The following SHC1 variants were observed in gnomAD, a reference collection of about 807,000 sequenced individuals.
SHC1 encodes SHC-transforming protein 1.
A neutral mutation model predicts 55.9 loss-of-function variants in SHC1; 30 were observed. The observed-to-expected ratio is 0.54, with a 90% CI of 0.40 to 0.73. The LOEUF is 0.73. Among genes scored for constraint, SHC1 ranks in the 30% least tolerant of loss-of-function variants. The probability of loss-of-function intolerance (pLI) is 0.00; values close to 1 mark genes in which losing one functional copy is unlikely to be tolerated. For missense variants in SHC1, 675 were observed against 777.1 expected (o/e 0.87, Z 1.56); for synonymous variants, 309 against 306.1 (o/e 1.01, Z -0.10).
Position 154,967,969 on chromosome 1 carries a change from C to A in SHC1, c.856+11G>T. 6.2e-7 allele frequency: 1 copy of A among 1,614,096 alleles called. No homozygotes were observed. The highest frequency in any genetic ancestry group is 8.5e-7 in the Non-Finnish European group (1 of 1,179,936). ...AGCCAGACCCACCCAGTGCTCCCCA[C>A]CATGCCTCACCTCTCTGATTCACAG... On this transcript the variant is annotated intron_variant, in intron 6 of 11. Coordinates refer to ENST00000448116, the MANE Select transcript of SHC1 (RefSeq NM_001130040.2).
chr1:154,965,387 G>T (rs8191978), intron 11 of SHC1, 156 bp downstream of exon 11: 1 of 1,606,000 alleles, frequency 6.2e-7, no homozygotes, highest in Non-Finnish European at 8.5e-7. Flanking sequence ...TGAGCCTCTG[G>T]AGGAAGATGC....
chr1:154,969,984 G>C (rs866247079), intron 1 of SHC1, 48 bp downstream of exon 1: 1 of 1,604,398 alleles, frequency 6.2e-7, no homozygotes, highest in East Asian at 2.2e-5. Flanking sequence ...GTGAGCATTA[G>C]AACTGGAGGG....
intron 1 of SHC1, 60 bp downstream of exon 1, chr1:154,969,972 G>A: frequency 1.9e-6 from 3 of 1,577,856 alleles, no homozygotes; most frequent in South Asian, 2.2e-5. Flanking sequence ...GGCCAAGCTG[G>A]AGTGAGCATT....
intron 11 of SHC1, chr1:154,965,252 G>GT: frequency 1.4e-6 from 1 of 692,292 alleles, no homozygotes. Context: ...GGTCAGGCTG[G>GT]TCTCGAACTC....
upstream of SHC1, among the ~76,000 whole-genome samples, chr1:154,973,040 G>T (rs1656893125): frequency 6.6e-6 from 1 of 152,114 alleles, no homozygotes; most frequent in African/African-American, 2.4e-5. Context: ...ACAAATCCAT[G>T]GTCTTATCCA....
chr1:154,965,574 T>A lies in SHC1; in HGVS notation c.1595A>T (p.Lys532Met). The change falls in exon 11 of 12, where the codon AAG (lysine) becomes ATG (methionine). Residue 532 changes from lysine to methionine, a missense_variant. By Grantham distance (95) the Lys-to-Met change is moderately conservative. Coordinates refer to ENST00000448116, the MANE Select transcript of SHC1 (RefSeq NM_001130040.2). ...VLTGLQSGQP[K>M]HLLLVDPEGV... The stretch of plus-strand genomic sequence containing the variant: ...CTCAGGGTCCACCAGTAGCAAATGC[T>A]TAGGCTGCCCACTCTGCAAGCCAGT... 1 of 1,614,156 alleles carries A rather than the reference T, an allele frequency of 6.2e-7. No homozygotes were observed. Among genetic ancestry groups the A allele is most frequent in the South Asian group, 1.1e-5 (1 of 91,084 alleles).
At position 154,965,591 on chromosome 1, in the gene SHC1, C is replaced by T. The variant is rs770390057; in HGVS notation, c.1578G>A (p.Leu526=). The T allele has an allele frequency of 2.5e-6, 4 of 1,614,204 alleles. No homozygotes were observed. In the African/African-American group the frequency reaches 4.0e-5, roughly 16 times the overall value. ...GCAAATGCTTAGGCTGCCCACTCTG[C>T]AAGCCAGTGAGCACATACTGGCCAG... The part of the protein sequence containing the change: ...TTPGQYVLTG[L]QSGQPKHLLL... The change falls in exon 11 of 12, where the codon TTG becomes TTA. Residue 526 remains leucine, a synonymous_variant. Transcript: ENST00000448116.
chr1:154,968,718 A>C lies in SHC1; in HGVS notation c.630+53T>G, dbSNP rs555455964. 121 of 1,607,060 alleles carry C rather than the reference A, an allele frequency of 7.5e-5. No homozygotes were observed. In the African/African-American group the frequency reaches 1.5e-3, roughly 20 times the overall value. ...CCACATGCCCCACACTTGCCTCCCC[A>C]CTGCCCCTCCACATTTCCCAGCAGC... On this transcript the variant is annotated intron_variant, in intron 3 of 11. Transcript: ENST00000448116.
intron 5 of SHC1, 38 bp downstream of exon 5, chr1:154,968,166 C>T (rs769959776): frequency 1.9e-6 from 3 of 1,607,250 alleles, no homozygotes; most frequent in Non-Finnish European, 2.6e-6. Context: ...TAGCCCCTTG[C>T]TCTTCTCCCA....
chr1:154,970,041 G>A lies in SHC1; in HGVS notation c.486C>T (p.Tyr162=). The A allele has an allele frequency of 6.2e-7, 1 of 1,613,946 alleles. No individual in the cohort carries two copies. Among genetic ancestry groups the A allele is most frequent in the Non-Finnish European group, 8.5e-7 (1 of 1,179,966 alleles). The change falls in exon 1 of 12, where the codon TAC becomes TAT. Residue 162 remains tyrosine (Y), a synonymous_variant. Coordinates refer to ENST00000448116, the MANE Select transcript of SHC1 (RefSeq NM_001130040.2). This position sits in a 1 kb window ranked among gnomAD's most constrained non-coding sequence, Gnocchi z 5.5. ...NDKVMGPGVS[Y]LVRYMGCVEV... is the part of the protein sequence containing the mutation. The stretch of plus-strand genomic sequence containing the variant: ...GAGGATGTTCACTCACCCGAACCAA[G>A]TAGGAAACCCCGGGTCCCATGACTT...
chr1:154,968,173 CCCA>C (rs753078350), intron 5 of SHC1, 28 bp downstream of exon 5: 8 of 1,610,702 alleles, frequency 5.0e-6, no homozygotes, highest in East Asian at 2.2e-5. Context: ...TTGCTCTTCT[CCCA>C]CCGCCTTTGC....
In SHC1 at chr1:154,966,491, C is replaced by A; in HGVS notation, c.1010G>T (p.Trp337Leu). ...DRMAGFDGSAWDEEEEEPPDH... is the reference protein window; with the variant it reads ...DRMAGFDGSALDEEEEEPPDH... ...AGGTGGCTCTTCCTCCTCCTCATCC[C>A]ATGCTGAGCCATCAAAGCCAGCCAT... Residue 337 changes from tryptophan to leucine, a missense_variant, in exon 8 of 12, where the codon TGG becomes TTG. Physicochemically the swap from Trp to Leu is moderately conservative, Grantham distance 61. Coordinates refer to ENST00000448116, the MANE Select transcript of SHC1 (RefSeq NM_001130040.2). 1 of 1,602,184 alleles carries A rather than the reference C, an allele frequency of 6.2e-7. No homozygotes were observed. Among genetic ancestry groups the A allele is most frequent in the South Asian group, 1.1e-5 (1 of 89,260 alleles).
chr1:154,971,846 A>G (rs1656778037), upstream of SHC1, among the ~76,000 whole-genome samples: 1 of 152,164 alleles, frequency 6.6e-6, no homozygotes, highest in Non-Finnish European at 1.5e-5. Context: ...GAAGCTGGAC[A>G]CAGGGAACAG....
At chr1:154,968,668 A>G in intron 3 of SHC1, 54 bp from the exon 4 acceptor site, 1 of 1,612,324 alleles carries the variant, frequency 6.2e-7, no homozygotes, top group East Asian at 2.2e-5. Flanking sequence ...CAGGCAAACC[A>G]CACTTTTGCC....
chr1:154,969,957 A>T, intron 1 of SHC1, 75 bp downstream of exon 1: 1 of 1,521,362 alleles, frequency 6.6e-7, no homozygotes. Flanking sequence ...GAAAAAAGAG[A>T]TTCCGGCCAA....
Position 154,963,680 on chromosome 1 carries a change from A to T in SHC1, c.*123T>A. ...CAGCTGGATATGAAACCCAGAGTCCATGCTACTCCCAGCTCTGACACAAGG... is the reference window on the plus strand; with the variant it reads ...CAGCTGGATATGAAACCCAGAGTCCTTGCTACTCCCAGCTCTGACACAAGG... On this transcript the variant is annotated 3_prime_UTR_variant, in exon 12 of 12. Transcript: ENST00000448116. 1 of 1,002,688 alleles carries T rather than the reference A, an allele frequency of 1.0e-6. No homozygotes were observed. The highest frequency in any genetic ancestry group is 1.5e-6 in the Non-Finnish European group (1 of 669,428). 62.1% of individuals were successfully genotyped at this position (1,002,688 alleles called of 1,614,324 possible). A position where few individuals can be genotyped will look rare whatever the true frequency, so the allele number is the denominator to read the frequency against.
upstream of SHC1, among the ~76,000 whole-genome samples, chr1:154,971,904 G>A (rs979828046): frequency 3.3e-5 from 5 of 151,890 alleles, no homozygotes; most frequent in Non-Finnish European, 4.4e-5. Flanking sequence ...CTGCTCTTCC[G>A]GAGAATGCCA....
intron 5 of SHC1, 38 bp from the exon 6 acceptor site, chr1:154,968,069 T>C: frequency 6.2e-7 from 1 of 1,610,678 alleles, no homozygotes; most frequent in Non-Finnish European, 8.5e-7. Flanking sequence ...AGTTCTACTT[T>C]ACTCCTGACC....
In SHC1 at chr1:154,963,770, A is replaced by G. The variant is rs761712497; in HGVS notation, c.*33T>C. The stretch of plus-strand genomic sequence containing the variant: ...TAGGGAATAGGGTGGAAAGGATTGG[A>G]GGGCATCTTCTGGAAGAGAGCGCTA... On this transcript the variant is annotated 3_prime_UTR_variant, in exon 12 of 12. Transcript: ENST00000448116. 12 of 1,610,770 alleles carry G rather than the reference A, an allele frequency of 7.4e-6. No individual in the cohort carries two copies. The highest frequency in any genetic ancestry group is 1.0e-5 in the Non-Finnish European group (12 of 1,178,392).
Sources: gnomAD v4.1 joint callset for allele counts (sites outside exome capture counted in the v4.1 genomes callset) on GRCh38, gnomAD v4.1.1 for gene constraint, Gnocchi (gnomAD v3.1) non-coding constraint, MANE v1.5 for transcripts, NCBI Gene and HGNC (gene_info 2026-07-23, HGNC 2026-07-21) for gene names.